Variants in CDKL1 observed in about 807,000 individuals in gnomAD.
The protein encoded by CDKL1 is cyclin-dependent kinase-like 1.
CDKL1 carries 41 observed loss-of-function variants against 42.0 expected under a neutral mutation model. That is an observed-to-expected ratio of 0.98 (90% CI 0.76 to 1.27). The LOEUF is 1.27. Among genes scored for constraint, CDKL1 ranks in the 50% most tolerant of loss-of-function variants. The probability of loss-of-function intolerance (pLI) is 0.00; values close to 1 mark genes in which losing one functional copy is unlikely to be tolerated. For missense variants in CDKL1, 394 were observed against 428.4 expected (o/e 0.92, Z 0.71); for synonymous variants, 153 against 158.6 (o/e 0.96, Z 0.26).
At chr14:50,372,381 GC>G (rs1423677355) in intron 2 of CDKL1, among the ~76,000 whole-genome samples, 2 of 152,086 alleles carry the variant, frequency 1.3e-5, no homozygotes, top group African/African-American at 4.8e-5. Context: ...GCCTCCCAAA[GC>G]ACTGGGATTA....
chr14:50,386,202 T>G (rs1595373005), intron 2 of CDKL1, among the ~76,000 whole-genome samples: 2 of 151,792 alleles, frequency 1.3e-5, no homozygotes, highest in South Asian at 4.2e-4. Context: ...CAGGCTGAGG[T>G]GGGAGGATTG....
At chr14:50,388,742 C>G (rs1257173467) in intron 2 of CDKL1, among the ~76,000 whole-genome samples, 4 of 152,146 alleles carry the variant, frequency 2.6e-5, no homozygotes, top group Non-Finnish European at 4.4e-5. Flanking sequence ...ATAAGGCACG[C>G]CAGGCTCCAG....
chr14:50,332,655 C>T (rs759890169), intron 8 of CDKL1: 1 of 1,530,368 alleles, frequency 6.5e-7, no homozygotes, highest in Non-Finnish European at 8.7e-7. Flanking sequence ...ATCATTTTCT[C>T]CACCTTATTC....
chr14:50,387,999 C>A (rs752719105), intron 2 of CDKL1, among the ~76,000 whole-genome samples: 1 of 152,168 alleles, frequency 6.6e-6, no homozygotes, highest in African/African-American at 2.4e-5. Context: ...CGGGTTCAAG[C>A]GATTCTCCTG....
intron 2 of CDKL1, among the ~76,000 whole-genome samples, chr14:50,363,524 C>T (rs1370553826): frequency 6.6e-6 from 1 of 152,188 alleles, no homozygotes; most frequent in Non-Finnish European, 1.5e-5. Context: ...TTCTTTCAGA[C>T]TGAAAAATAA....
At chr14:50,335,322 G>C in intron 7 of CDKL1, 1 of 365,544 alleles carries the variant, frequency 2.7e-6, no homozygotes, top group Non-Finnish European at 4.8e-6. Context: ...AAAAAAAAAG[G>C]CAGCTCTAAT....
chr14:50,396,697 C>G (rs1019433850), intron 1 of CDKL1, 127 bp downstream of exon 1: 2 of 158,266 alleles, frequency 1.3e-5, no homozygotes, highest in African/African-American at 4.8e-5. Context: ...GCCCCGCGCC[C>G]CACGCCCCCG....
Position 50,348,277 on chromosome 14 carries a change from T to C in CDKL1, c.291-3219A>G, listed in dbSNP as rs908690817. On this transcript the variant is annotated intron_variant, in intron 3 of 9. Transcript: ENST00000395834. Reference sequence around the variant, plus strand: ...CTATGGAACTAGGAGCTAAGGAGTATGGAAAAAACTGTTTAGAAAATAATT... The same window carrying C: ...CTATGGAACTAGGAGCTAAGGAGTACGGAAAAAACTGTTTAGAAAATAATT... Among the ~76,000 whole-genome samples, 2 of 152,080 alleles carry C rather than the reference T, an allele frequency of 1.3e-5. 1 individual carries two copies. Among genetic ancestry groups the C allele is most frequent in the South Asian group, 4.2e-4 (2 of 4,812 alleles).
chr14:50,336,356 G>C (rs2139378313), intron 7 of CDKL1: 1 of 841,972 alleles, frequency 1.2e-6, no homozygotes, highest in Middle Eastern at 5.2e-4. Flanking sequence ...TTATTTCTGA[G>C]GCTTCACCAA....
intron 2 of CDKL1, among the ~76,000 whole-genome samples, chr14:50,372,183 G>A (rs765544393): frequency 1.1e-4 from 16 of 151,920 alleles, no homozygotes; most frequent in Non-Finnish European, 1.8e-4. Flanking sequence ...GAGAGATCTC[G>A]GCTCACTGCA....
intron 8 of CDKL1, chr14:50,332,784 A>G: frequency 1.2e-6 from 1 of 820,480 alleles, no homozygotes; most frequent in South Asian, 1.6e-5. Context: ...GTACTTTGTA[A>G]AAACTAGTGT....
chr14:50,388,992 G>C (rs1284514718), intron 2 of CDKL1, among the ~76,000 whole-genome samples: 2 of 151,604 alleles, frequency 1.3e-5, no homozygotes, highest in African/African-American at 4.9e-5. Context: ...TATCTACTGG[G>C]GGAGGCTAAG....
chr14:50,327,210 C>G lies in CDKL1; in HGVS notation c.*2864G>C, dbSNP rs953507223. On this transcript the variant is annotated 3_prime_UTR_variant, in exon 10 of 10. Transcript: ENST00000395834. ...AATAGCTGGGTGTAGTGGCACATGC[C>G]TGTAGTCCCAACTACTCAGGAGTCT... The G allele has an allele frequency of 2.6e-5, 4 of 151,790 alleles. No homozygotes were observed. The highest frequency in any genetic ancestry group is 9.7e-5 in the African/African-American group (4 of 41,294). The allele number at this position is 151,790 out of a possible 1,614,324, so 9.4% of individuals were successfully genotyped here.
At position 50,334,575 on chromosome 14, in the gene CDKL1, C is replaced by T; in HGVS notation, c.785G>A (p.Gly262Glu). 3 of 1,599,400 alleles carry T rather than the reference C, an allele frequency of 1.9e-6. No homozygotes were observed. The highest frequency in any genetic ancestry group is 2.6e-6 in the Non-Finnish European group (3 of 1,166,888). Reference sequence around the variant, plus strand: ...AGCCATGATTTTTACCTTTAGGAGCCCCAGGGCAGGATAAGAGATGTTTGG... The same window carrying T: ...AGCCATGATTTTTACCTTTAGGAGCTCCAGGGCAGGATAAGAGATGTTTGG... ...KFPNISYPAL[G>E]LLKGCLHMDP... The change falls in exon 8 of 10, where the codon GGG becomes GAG. Residue 262 changes from glycine to glutamate, a missense_variant. Transcript: ENST00000395834.
intron 3 of CDKL1, among the ~76,000 whole-genome samples, chr14:50,349,923 C>T (rs2033847515): frequency 6.6e-6 from 1 of 152,200 alleles, no homozygotes; most frequent in African/African-American, 2.4e-5. Flanking sequence ...CACACACCAC[C>T]ACACCCAGCT....
intron 4 of CDKL1, among the ~76,000 whole-genome samples, chr14:50,343,371 G>A (rs1338702729): frequency 6.6e-6 from 1 of 152,034 alleles, no homozygotes; most frequent in East Asian, 1.9e-4. Flanking sequence ...TCACTCCAAA[G>A]GACCTTCAGG....
chr14:50,387,390 G>A (rs1381842980), intron 2 of CDKL1, among the ~76,000 whole-genome samples: 1 of 151,504 alleles, frequency 6.6e-6, no homozygotes, highest in Non-Finnish European at 1.5e-5. Flanking sequence ...AGGCATGGTA[G>A]TGGGCACCTG....
Position 50,327,990 on chromosome 14 carries a change from T to G in CDKL1, c.*2084A>C, listed in dbSNP as rs1430126850. On this transcript the variant is annotated 3_prime_UTR_variant, in exon 10 of 10. Transcript: ENST00000395834. ...GAGATTTCATACCGAATAAAAGCAT[T>G]ATAAATATGGTTAAATTGAACATAA... is the stretch of plus-strand genomic sequence containing the variant. The G allele has an allele frequency of 2.6e-5, 4 of 152,142 alleles. No individual in the cohort carries two copies. The East Asian group carries it at 5.8e-4, about 22-fold the overall frequency. 9.4% of individuals were successfully genotyped at this position (152,142 alleles called of 1,614,324 possible).
chr14:50,342,350 C>A, intron 4 of CDKL1, 128 bp from the exon 5 acceptor site: 1 of 1,456,808 alleles, frequency 6.9e-7, no homozygotes, highest in Non-Finnish European at 9.1e-7. Flanking sequence ...TGGACAACAG[C>A]AAAAGAGCAG....
Sources: gnomAD v4.1 joint callset for allele counts (sites outside exome capture counted in the v4.1 genomes callset) on GRCh38, gnomAD v4.1.1 for gene constraint, MANE v1.5 for transcripts, NCBI Gene and HGNC (gene_info 2026-07-23, HGNC 2026-07-21) for gene names.